The following CDH13 variants were observed in gnomAD, a reference collection of about 807,000 sequenced individuals.
CDH13 encodes the protein cadherin 13, also known as cadherin-13.
A neutral mutation model predicts 63.8 loss-of-function variants in CDH13; 24 were observed. The ratio of observed to expected loss-of-function variants is 0.38; its 90% CI spans 0.27 to 0.53. CDH13 has a LOEUF of 0.53. Among genes scored for constraint, CDH13 ranks in the 20% least tolerant of loss-of-function variants. The pLI is 0.85. For missense variants in CDH13, 1,049 were observed against 903.1 expected (o/e 1.16, Z -2.07); for synonymous variants, 503 against 355.3 (o/e 1.42, Z -4.67).
chr16:83,475,457 G>GTGAAAA (rs1567697921), intron 6 of CDH13, among the ~76,000 whole-genome samples: 1 of 152,234 alleles, frequency 6.6e-6, no homozygotes, highest in Non-Finnish European at 1.5e-5. Flanking sequence ...GCCCCTTGAA[G>GTGAAAA]TGAACCCCCA....
intron 3 of CDH13, among the ~76,000 whole-genome samples, chr16:83,074,762 T>A (rs1445682214): frequency 6.6e-6 from 1 of 152,162 alleles, no homozygotes; most frequent in Non-Finnish European, 1.5e-5. Context: ...ACCAGCTCCA[T>A]TTGCAGAAAA....
At chr16:83,598,429 GT>G (rs1907474961) in intron 7 of CDH13, among the ~76,000 whole-genome samples, 2 of 152,094 alleles carry the variant, frequency 1.3e-5, no homozygotes, top group Admixed American at 1.3e-4. Context: ...AAAATTTTCT[GT>G]TTAAGGGAAA....
At chr16:83,010,978 A>C (rs549074632) in intron 2 of CDH13, among the ~76,000 whole-genome samples, 10 of 152,318 alleles carry the variant, frequency 6.6e-5, no homozygotes, top group Admixed American at 1.3e-4. Flanking sequence ...TCACACTTCT[A>C]ATGCGTAGAA....
intron 4 of CDH13, among the ~76,000 whole-genome samples, chr16:83,173,828 C>T (rs558131763): frequency 6.6e-6 from 1 of 152,182 alleles, no homozygotes; most frequent in African/African-American, 2.4e-5. Flanking sequence ...ACCTTCCTAG[C>T]ATCCATCTTG....
chr16:82,874,828 C>G lies in CDH13; in HGVS notation c.157+16355C>G, dbSNP rs748978293. On this transcript the variant is annotated intron_variant, in intron 2 of 13. Transcript: ENST00000567109. ...GGGATAAATTATACTAAGAAAGAGA[C>G]TCAGCATGAAATTCTAGGTACTGAA... Among the ~76,000 whole-genome samples the G allele has an allele frequency of 2.6e-5, 4 of 152,074 alleles. No individual in the cohort carries two copies. In the East Asian group the frequency reaches 7.7e-4, roughly 29 times the overall value.
At chr16:83,261,651 C>T (rs1020718464) in intron 5 of CDH13, among the ~76,000 whole-genome samples, 5 of 151,868 alleles carry the variant, frequency 3.3e-5, no homozygotes, top group African/African-American at 1.2e-4. Context: ...AGTGCCAAAG[C>T]TGAGAAGCCC....
intron 8 of CDH13, among the ~76,000 whole-genome samples, chr16:83,644,396 T>G (rs554066438): frequency 4.7e-4 from 72 of 152,316 alleles, no homozygotes. Flanking sequence ...GGTTCCTGGT[T>G]TTCCCTTTTA....
At chr16:83,208,105 C>G (rs1324571681) in intron 4 of CDH13, among the ~76,000 whole-genome samples, 1 of 152,128 alleles carries the variant, frequency 6.6e-6, no homozygotes, top group African/African-American at 2.4e-5. Context: ...ACAGACAGCC[C>G]TAGGTGGCGT....
intron 1 of CDH13, among the ~76,000 whole-genome samples, chr16:82,685,276 T>C (rs898741882): frequency 6.6e-6 from 1 of 152,202 alleles, no homozygotes; most frequent in African/African-American, 2.4e-5. Context: ...ACAGATTTAG[T>C]GTCTGGTGAG....
At chr16:83,196,233 G>A (rs2038874977) in intron 4 of CDH13, among the ~76,000 whole-genome samples, 1 of 151,850 alleles carries the variant, frequency 6.6e-6, no homozygotes, top group Admixed American at 6.6e-5. Flanking sequence ...TCCAGCCTGG[G>A]CAACAGAGTG....
intron 1 of CDH13, among the ~76,000 whole-genome samples, chr16:82,684,178 C>A (rs1408981797): frequency 6.6e-6 from 1 of 152,220 alleles, no homozygotes; most frequent in Non-Finnish European, 1.5e-5. Flanking sequence ...GGTTTTGACA[C>A]CTGAAGACAT....
intron 5 of CDH13, among the ~76,000 whole-genome samples, chr16:83,302,156 C>A (rs944075183): frequency 6.6e-6 from 1 of 152,146 alleles, no homozygotes; most frequent in Non-Finnish European, 1.5e-5. Flanking sequence ...AGTAAGCTAA[C>A]AAAGTTGACA....
rs184228471 is a variant in CDH13, at chr16:83,256,292, C to T, written c.636+38795C>T. On this transcript the variant is annotated intron_variant, in intron 5 of 13. Coordinates refer to ENST00000567109, the MANE Select transcript of CDH13 (RefSeq NM_001257.5). ...AAGTGATCTGCCCACCTCAGCCTCCCAAAGTGCTGGGATTACGAGCATGTA... is the reference window on the plus strand; with the variant it reads ...AAGTGATCTGCCCACCTCAGCCTCCTAAAGTGCTGGGATTACGAGCATGTA... Among the ~76,000 whole-genome samples, 12 of 152,210 alleles carry T rather than the reference C, an allele frequency of 7.9e-5. No individual in the cohort carries two copies. In the East Asian group the frequency reaches 2.3e-3, roughly 30 times the overall value.
chr16:82,874,899 G>GTT (rs1340858798), intron 2 of CDH13, among the ~76,000 whole-genome samples: 1 of 152,202 alleles, frequency 6.6e-6, no homozygotes, highest in Non-Finnish European at 1.5e-5. Context: ...TTAGAGGGCA[G>GTT]TTGGGATTGC....
intron 6 of CDH13, among the ~76,000 whole-genome samples, chr16:83,482,919 C>T (rs1406194218): frequency 6.6e-6 from 1 of 152,180 alleles, no homozygotes. Context: ...TATCTGAGGC[C>T]TTTGCCTGCA....
intron 2 of CDH13, among the ~76,000 whole-genome samples, chr16:82,926,683 C>G (rs1391628732): frequency 6.6e-6 from 1 of 152,096 alleles, no homozygotes; most frequent in Admixed American, 6.5e-5. Context: ...GGAAGTGATT[C>G]TAGCTCTGCT....
intron 1 of CDH13, among the ~76,000 whole-genome samples, chr16:82,798,882 C>G (rs1015519016): frequency 1.3e-5 from 2 of 152,010 alleles, no homozygotes; most frequent in African/African-American, 4.8e-5. Context: ...ATAACAGGAA[C>G]CCTTGGAAGT....
At chr16:82,741,256 A>G (rs1407504490) in intron 1 of CDH13, among the ~76,000 whole-genome samples, 2 of 152,116 alleles carry the variant, frequency 1.3e-5, no homozygotes, top group Non-Finnish European at 2.9e-5. Context: ...CTCTTCCATC[A>G]TTCTGTGTGA....
chr16:83,381,809 C>A (rs2091572711), intron 6 of CDH13, among the ~76,000 whole-genome samples: 1 of 152,008 alleles, frequency 6.6e-6, no homozygotes, highest in South Asian at 2.1e-4. Flanking sequence ...CATTGCCACC[C>A]TATATTTGGC....
Sources: allele counts gnomAD v4.1 joint callset (sites outside exome capture counted in the v4.1 genomes callset), GRCh38; gene constraint gnomAD v4.1.1; transcripts MANE v1.5; gene names NCBI Gene and HGNC (gene_info 2026-07-23, HGNC 2026-07-21).